MRPS9: variants seen among roughly 807,000 people sequenced by gnomAD.
MRPS9 encodes the protein small ribosomal subunit protein uS9m.
In MRPS9, 45 loss-of-function variants were observed where a neutral mutation model predicts 59.9. That is an observed-to-expected ratio of 0.75 (90% CI 0.59 to 0.96). The LOEUF (loss-of-function observed/expected upper bound fraction) is 0.96, where lower values mean the gene tolerates loss of function less well. Ranked by LOEUF, MRPS9 falls within the 40% of genes least tolerant of loss-of-function variation. MRPS9 has a pLI of 0.00. For synonymous variants in MRPS9, 171 were observed against 166.8 expected (o/e 1.03, Z -0.19); for missense variants, 473 against 481.1 (o/e 0.98, Z 0.16).
intron 4 of MRPS9, among the ~76,000 whole-genome samples, chr2:105,077,104 G>A (rs1280008593): frequency 6.6e-6 from 1 of 152,078 alleles, no homozygotes; most frequent in Admixed American, 6.5e-5. Context: ...AAATAGCCGG[G>A]CGTGGTGGCG....
intron 1 of MRPS9, among the ~76,000 whole-genome samples, chr2:105,041,154 TGA>T (rs1057100689): frequency 6.6e-6 from 1 of 152,206 alleles, no homozygotes; most frequent in Non-Finnish European, 1.5e-5. Context: ...AGCATTATTA[TGA>T]GCAGTTGACA....
At chr2:105,099,626 A>G (rs766083421) in intron 10 of MRPS9, 44 bp from the exon 11 acceptor site, 3 of 1,565,028 alleles carry the variant, frequency 1.9e-6, no homozygotes, top group South Asian at 1.1e-5. Context: ...TCTGGGCAGC[A>G]TGCATATTAA....
At chr2:105,092,370 G>C (rs1263982012) in intron 7 of MRPS9, 31 bp from the exon 8 acceptor site, 7 of 1,553,114 alleles carry the variant, frequency 4.5e-6, no homozygotes, top group Non-Finnish European at 6.1e-6. Context: ...AATTACACTT[G>C]CACCTTCTAA....
At chr2:105,090,056 G>T in intron 7 of MRPS9, 61 bp downstream of exon 7, 1 of 922,704 alleles carries the variant, frequency 1.1e-6, no homozygotes, top group Non-Finnish European at 1.7e-6. Flanking sequence ...GACAATTGCT[G>T]TATTTAGGAT....
At chr2:105,072,010 A>G (rs1443443230) in intron 4 of MRPS9, among the ~76,000 whole-genome samples, 1 of 152,162 alleles carries the variant, frequency 6.6e-6, no homozygotes, top group East Asian at 1.9e-4. Context: ...TGTGTAAAAA[A>G]AAAAAATTGA....
chr2:105,090,331 A>T (rs749277800), intron 7 of MRPS9, among the ~76,000 whole-genome samples: 2 of 152,194 alleles, frequency 1.3e-5, no homozygotes, highest in Non-Finnish European at 2.9e-5. Flanking sequence ...AGCTAATTTT[A>T]CAAGCTGATG....
Position 105,049,150 on chromosome 2 carries a change from TC to T in MRPS9, c.136-19del, listed in dbSNP as rs1679662578. On this transcript the variant is annotated intron_variant, in intron 1 of 10. Transcript: ENST00000258455. ...ACAGTTTAATTTATTTTCTTTTCTTTCCATCTATATTTTCTGTTAGATATTA... is the reference window on the plus strand; with the variant it reads ...ACAGTTTAATTTATTTTCTTTTCTTTCATCTATATTTTCTGTTAGATATTA... 2.1e-6 allele frequency: 3 copies of T among 1,461,722 alleles called. No homozygotes were observed. The East Asian group carries it at 6.8e-5, about 33-fold the overall frequency. The allele number at this position is 1,461,722 out of a possible 1,614,324, so 90.5% of individuals were successfully genotyped here. A position where few individuals can be genotyped will look rare whatever the true frequency, so the allele number is the denominator to read the frequency against.
intron 2 of MRPS9, among the ~76,000 whole-genome samples, chr2:105,053,045 T>A (rs1679739795): frequency 6.6e-6 from 1 of 152,232 alleles, no homozygotes; most frequent in Non-Finnish European, 1.5e-5. Context: ...ATTAAAGGCA[T>A]GAGCCACCAC....
intron 2 of MRPS9, among the ~76,000 whole-genome samples, chr2:105,054,177 G>A (rs981361465): frequency 6.6e-6 from 1 of 152,136 alleles, no homozygotes; most frequent in Non-Finnish European, 1.5e-5. Context: ...ATACCGACTT[G>A]TCTACCTCAG....
At position 105,097,218 on chromosome 2, in the gene MRPS9, A is replaced by G. The variant is rs1208997200; in HGVS notation, c.993A>G (p.Thr331=). 1.2e-6 allele frequency: 2 copies of G among 1,611,514 alleles called. No individual in the cohort carries two copies. The highest frequency in any genetic ancestry group is 1.7e-4 in the Middle Eastern group (1 of 6,054). ...DRLGKHDVTC[T]VSGGGRSAQA... ...TGGGAAAGCACGACGTGACCTGCAC[A>G]GTCTCAGGGGGCGGGAGGTCAGCGC... is the stretch of plus-strand genomic sequence containing the variant. The change falls in exon 10 of 11, where the codon ACA becomes ACG. Residue 331 remains threonine, a synonymous_variant. Transcript: ENST00000258455.
intron 2 of MRPS9, among the ~76,000 whole-genome samples, chr2:105,067,690 C>T (rs1196657967): frequency 2.0e-5 from 3 of 152,096 alleles, no homozygotes; most frequent in African/African-American, 7.2e-5. Flanking sequence ...ACTTTTATAA[C>T]ATATTGTTCT....
chr2:105,070,493 A>G (rs1680093080), intron 2 of MRPS9, among the ~76,000 whole-genome samples: 1 of 152,184 alleles, frequency 6.6e-6, no homozygotes, highest in African/African-American at 2.4e-5. Context: ...GCAGAAGTGT[A>G]TTTAAATGCA....
chr2:105,084,168 T>C (rs527302570), intron 5 of MRPS9, among the ~76,000 whole-genome samples: 84 of 151,840 alleles, frequency 5.5e-4, no homozygotes, highest in Middle Eastern at 3.5e-3. Context: ...GAACCAGTTT[T>C]ACAGTAAACA....
chr2:105,052,419 A>G (rs912022949), intron 2 of MRPS9, among the ~76,000 whole-genome samples: 1 of 152,062 alleles, frequency 6.6e-6, no homozygotes, highest in African/African-American at 2.4e-5. Context: ...TTCTGTTGGT[A>G]TGCTGTATCA....
At chr2:105,096,011 G>C (rs972394730) in intron 9 of MRPS9, among the ~76,000 whole-genome samples, 1 of 152,048 alleles carries the variant, frequency 6.6e-6, no homozygotes. Context: ...TTATAATACT[G>C]TTTTTATAAC....
At chr2:105,098,927 C>G (rs996843109) in intron 10 of MRPS9, among the ~76,000 whole-genome samples, 1 of 152,208 alleles carries the variant, frequency 6.6e-6, no homozygotes, top group Admixed American at 6.5e-5. Flanking sequence ...CCAGCCACTG[C>G]TGGGGCTCTT....
rs115379275 is a variant in MRPS9, at chr2:105,050,583, A to G, written c.315+1233A>G. On this transcript the variant is annotated intron_variant, in intron 2 of 10. Transcript: ENST00000258455. ...AAGAGATGCTATTCTTCAGTTAAGTATAAAATACCATGAGATGTTAGATAT... is the reference window on the plus strand; with the variant it reads ...AAGAGATGCTATTCTTCAGTTAAGTGTAAAATACCATGAGATGTTAGATAT... Among the ~76,000 whole-genome samples, 422 of 152,350 alleles carry G rather than the reference A, an allele frequency of 2.8e-3. 1 individual carries two copies. The highest frequency in any genetic ancestry group is 9.9e-3 in the African/African-American group (410 of 41,574).
intron 9 of MRPS9, among the ~76,000 whole-genome samples, chr2:105,094,397 T>C (rs374094429): frequency 6.6e-6 from 1 of 152,206 alleles, no homozygotes; most frequent in African/African-American, 2.4e-5. Flanking sequence ...ATATGGTTAT[T>C]ATTTTCCCAG....
chr2:105,038,781 T>A (rs1259852508), intron 1 of MRPS9, among the ~76,000 whole-genome samples: 1 of 151,854 alleles, frequency 6.6e-6, no homozygotes, highest in Non-Finnish European at 1.5e-5. Context: ...AAGTGGGGAG[T>A]CAACAGCTGG....
Sources: gnomAD v4.1 joint callset for allele counts (sites outside exome capture counted in the v4.1 genomes callset) on GRCh38, gnomAD v4.1.1 for gene constraint, MANE v1.5 for transcripts, NCBI Gene and HGNC (gene_info 2026-07-23, HGNC 2026-07-21) for gene names.